TAFA2: variants seen among roughly 807,000 people sequenced by gnomAD.
TAFA2 encodes chemokine-like protein TAFA-2.
Under a neutral mutation model 18.8 loss-of-function variants are expected in TAFA2, and 7 were observed. That is an observed-to-expected ratio of 0.37 (90% CI 0.21 to 0.70). The LOEUF is 0.70. Ranked by LOEUF, TAFA2 falls within the 30% of genes least tolerant of loss-of-function variation. The pLI, the probability that TAFA2 is intolerant of heterozygous loss-of-function variation, is 0.53. For missense variants in TAFA2, 122 were observed against 158.1 expected (o/e 0.77, Z 1.23); for synonymous variants, 60 against 54.2 (o/e 1.11, Z -0.47).
intron 1 of TAFA2, among the ~76,000 whole-genome samples, chr12:61,992,521 T>C (rs1358029674): frequency 1.3e-5 from 2 of 152,152 alleles, no homozygotes; most frequent in East Asian, 3.9e-4. Context: ...TACTGTTTGT[T>C]CCTACATAGC....
chr12:62,233,169 C>T lies in TAFA2; in HGVS notation c.-130+25594G>A, dbSNP rs374727267. Among the ~76,000 whole-genome samples the T allele has an allele frequency of 1.1e-4, 17 of 148,322 alleles. No individual in the cohort carries two copies. In the East Asian group the frequency reaches 3.2e-3, roughly 28 times the overall value. On this transcript the variant is annotated intron_variant, in intron 1 of 5. Coordinates refer to the TAFA2 transcript ENST00000551619. ...CATCCTGGCTCACTACAACCTCCGC[C>T]TCCCACGTTCAAGTGATTATCCTGC...
At chr12:62,201,718 C>A (rs998567458) in intron 1 of TAFA2, among the ~76,000 whole-genome samples, 1 of 152,108 alleles carries the variant, frequency 6.6e-6, no homozygotes, top group South Asian at 2.1e-4. Context: ...TGCTGTATTG[C>A]TGCAAGGTTC....
intron 1 of TAFA2, among the ~76,000 whole-genome samples, chr12:62,157,333 A>G (rs2062377287): frequency 6.6e-6 from 1 of 152,158 alleles, no homozygotes; most frequent in African/African-American, 2.4e-5. Context: ...TGTCTCTTTG[A>G]CAATATAATT....
chr12:62,203,106 C>T (rs2062678598), intron 1 of TAFA2, among the ~76,000 whole-genome samples: 1 of 152,138 alleles, frequency 6.6e-6, no homozygotes. Flanking sequence ...AGATTACAGG[C>T]ATGAGCCACC....
chr12:61,729,988 T>C (rs927521201), intron 4 of TAFA2, among the ~76,000 whole-genome samples: 2 of 152,102 alleles, frequency 1.3e-5, no homozygotes, highest in African/African-American at 4.8e-5. Context: ...GTGACTGTTA[T>C]TGCTCTTCTG....
intron 2 of TAFA2, among the ~76,000 whole-genome samples, chr12:61,850,442 C>T (rs1489534853): frequency 6.6e-6 from 1 of 151,868 alleles, no homozygotes; most frequent in Non-Finnish European, 1.5e-5. Flanking sequence ...ACAGTATCCA[C>T]TAAATACCTG....
At chr12:61,921,918 C>T (rs138913207) in intron 1 of TAFA2, among the ~76,000 whole-genome samples, 40 of 152,160 alleles carry the variant, frequency 2.6e-4, no homozygotes, top group African/African-American at 8.9e-4. Context: ...ATGTGGTGTC[C>T]TTCAAGTCAA....
At chr12:61,849,349 T>G (rs1873545278) in intron 2 of TAFA2, among the ~76,000 whole-genome samples, 1 of 152,216 alleles carries the variant, frequency 6.6e-6, no homozygotes. Flanking sequence ...ATCTGTTTAT[T>G]CTACAAATGT....
At position 61,983,641 on chromosome 12, in the gene TAFA2, C is replaced by T. The variant is rs12831931; in HGVS notation, c.-1-116215G>A. Among the ~76,000 whole-genome samples the T allele has an allele frequency of 4.2e-3, 637 of 152,180 alleles. 1 individual carries two copies. Among genetic ancestry groups the T allele is most frequent in the Middle Eastern group, 0.01 (3 of 294 alleles). ...CAGGATGGTCTCGATCTCTTGACCTCGTGATCCACCTGCCTTGCCCTCCCA... is the reference window on the plus strand; with the variant it reads ...CAGGATGGTCTCGATCTCTTGACCTTGTGATCCACCTGCCTTGCCCTCCCA... On this transcript the variant is annotated intron_variant, in intron 1 of 4. Transcript: ENST00000416284.
In TAFA2 at chr12:61,754,915, C is replaced by T; in HGVS notation, c.216G>A (p.Gly72=). 2 of 1,612,926 alleles carry T rather than the reference C, an allele frequency of 1.2e-6. No homozygotes were observed. Among genetic ancestry groups the T allele is most frequent in the African/African-American group, 1.3e-5 (1 of 74,936 alleles). Residue 72 remains glycine (G), a synonymous_variant, in exon 3 of 5, where the codon GGG becomes GGA. Transcript: ENST00000416284. ...SQTVKCSCFP[G]QVAGTTRAAP... ...CAGCTCGCGTGGTGCCTGCCACCTG[C>T]CCAGGGAAGCAGGAGCACTTGACTG... is the stretch of plus-strand genomic sequence containing the variant.
At chr12:62,202,684 G>A (rs2062676250) in intron 1 of TAFA2, among the ~76,000 whole-genome samples, 2 of 151,998 alleles carry the variant, frequency 1.3e-5, no homozygotes, top group South Asian at 4.1e-4. Flanking sequence ...TGCTTTAACT[G>A]CATCCCAGAG....
At chr12:61,789,050 T>A (rs1870863642) in intron 2 of TAFA2, among the ~76,000 whole-genome samples, 2 of 151,912 alleles carry the variant, frequency 1.3e-5, no homozygotes, top group Admixed American at 1.3e-4. Flanking sequence ...TTAGCCCTTG[T>A]CAGATGGACA....
chr12:62,233,830 T>C (rs912345811), intron 1 of TAFA2, among the ~76,000 whole-genome samples: 1 of 152,184 alleles, frequency 6.6e-6, no homozygotes, highest in African/African-American at 2.4e-5. Flanking sequence ...CACCTGGATG[T>C]CCATCCCAGG....
At position 62,001,664 on chromosome 12, in the gene TAFA2, G is replaced by A. The variant is rs150017819; in HGVS notation, c.-1-134238C>T. Among the ~76,000 whole-genome samples, 17 of 152,172 alleles carry A rather than the reference G, an allele frequency of 1.1e-4. No individual in the cohort carries two copies. The East Asian group carries it at 3.1e-3, about 28-fold the overall frequency. The stretch of plus-strand genomic sequence containing the variant: ...ATGGGGAGCGGCTGAAAATACAGAC[G>A]AAGCTTCACTTGCCCTCCTGCTGCT... On this transcript the variant is annotated intron_variant, in intron 1 of 4. Transcript: ENST00000416284.
chr12:62,080,539 T>C (rs1299392318), intron 1 of TAFA2, among the ~76,000 whole-genome samples: 1 of 151,618 alleles, frequency 6.6e-6, no homozygotes, highest in Non-Finnish European at 1.5e-5. Context: ...AAAGTAAAAG[T>C]GAATCATAGA....
chr12:62,035,733 C>CTTTTTTTTTTTTTTTTTT (rs34859628), intron 1 of TAFA2, among the ~76,000 whole-genome samples: 1 of 60,228 alleles, frequency 1.7e-5, no homozygotes, highest in African/African-American at 7.6e-5. Flanking sequence ...ATGATTCTTT[C>CTTTTTTTTTTTTTTTTTT]TTTTTTTTTT....
At chr12:62,144,367 G>T (rs4348998) in intron 1 of TAFA2, among the ~76,000 whole-genome samples, 12,730 of 152,028 alleles carry the variant, frequency 0.084, 744 homozygotes, top group Non-Finnish European at 0.13. Flanking sequence ...ACTGGATATC[G>T]TTCCTGCCAG....
At chr12:61,926,310 T>C (rs530559060) in intron 1 of TAFA2, among the ~76,000 whole-genome samples, 5 of 152,130 alleles carry the variant, frequency 3.3e-5, no homozygotes, top group South Asian at 4.1e-4. Flanking sequence ...TTCCAAACAA[T>C]AGAAAAAGAG....
Position 61,773,686 on chromosome 12 carries a change from C to T in TAFA2, c.107-18662G>A, listed in dbSNP as rs1443966215. On this transcript the variant is annotated intron_variant, in intron 2 of 4. Coordinates refer to ENST00000416284, the MANE Select transcript of TAFA2 (RefSeq NM_178539.5). ...ATGAAACTGGATCCTCATCTCTCAC[C>T]TTATACAAAAATTAACTCAAGATGA... 2.6e-5 allele frequency among the ~76,000 whole-genome samples: 4 copies of T among 151,958 alleles called. No individual in the cohort carries two copies. The East Asian group carries it at 7.7e-4, about 29-fold the overall frequency.
Sources: gnomAD v4.1 joint callset for allele counts (sites outside exome capture counted in the v4.1 genomes callset) on GRCh38, gnomAD v4.1.1 for gene constraint, MANE v1.5 for transcripts, NCBI Gene and HGNC (gene_info 2026-07-23, HGNC 2026-07-21) for gene names.